The following GNPTAB variants were observed in gnomAD, a reference collection of about 807,000 sequenced individuals.
The protein encoded by GNPTAB is N-acetylglucosamine-1-phosphotransferase subunits alpha/beta.
GNPTAB carries 92 observed loss-of-function variants against 136.6 expected under a neutral mutation model. The ratio of observed to expected loss-of-function variants is 0.67; its 90% CI spans 0.57 to 0.80. The LOEUF is 0.80. GNPTAB is among the 30% of genes least tolerant of loss of function. The pLI is 0.00. For synonymous variants in GNPTAB, 512 were observed against 535.1 expected (o/e 0.96, Z 0.60); for missense variants, 1,343 against 1,501.8 (o/e 0.89, Z 1.75).
At chr12:101,802,895 A>C (rs1267341043) in intron 1 of GNPTAB, among the ~76,000 whole-genome samples, 1 of 152,158 alleles carries the variant, frequency 6.6e-6, no homozygotes. Flanking sequence ...TAAAATCCTT[A>C]ATCTCCAGTT....
intron 1 of GNPTAB, among the ~76,000 whole-genome samples, chr12:101,829,209 G>T (rs990298503): frequency 6.6e-6 from 1 of 152,214 alleles, no homozygotes; most frequent in Non-Finnish European, 1.5e-5. Flanking sequence ...TTCGGGCCAG[G>T]TGCGGTGGCT....
chr12:101,748,219 T>G (rs1330374778), intron 20 of GNPTAB, among the ~76,000 whole-genome samples: 1 of 152,246 alleles, frequency 6.6e-6, no homozygotes, highest in Admixed American at 6.5e-5. Flanking sequence ...CAGTCTCTGT[T>G]TCCTGAATTT....
intron 1 of GNPTAB, among the ~76,000 whole-genome samples, chr12:101,830,131 G>A (rs1310005716): frequency 6.6e-6 from 1 of 152,124 alleles, no homozygotes; most frequent in Non-Finnish European, 1.5e-5. Flanking sequence ...GGTAGCTCAT[G>A]CCTGTAACCC....
intron 1 of GNPTAB, among the ~76,000 whole-genome samples, chr12:101,815,288 C>CTTGGA (rs773543212): frequency 2.4e-4 from 37 of 152,156 alleles, no homozygotes; most frequent in Non-Finnish European, 3.7e-4. Flanking sequence ...GGTCTCCCAC[C>CTTGGA]TTGGCCTCCC....
At position 101,765,212 on chromosome 12, in the gene GNPTAB, C is replaced by A. The variant is rs1292614290; in HGVS notation, c.1705G>T (p.Ala569Ser). 1.2e-6 allele frequency: 2 copies of A among 1,614,014 alleles called. No individual in the cohort carries two copies. Among genetic ancestry groups the A allele is most frequent in the Admixed American group, 3.3e-5 (2 of 60,018 alleles). Reference sequence around the variant, plus strand: ...TCAACTCCTCTTTTGGCTACTTCTGCAAAGCTGAAATAAGGCAGGCATTCA... The same window carrying A: ...TCAACTCCTCTTTTGGCTACTTCTGAAAAGCTGAAATAAGGCAGGCATTCA... Reference protein sequence around the residue: ...KGECLPYFSFAEVAKRGVEGA... With the variant: ...KGECLPYFSFSEVAKRGVEGA... The change falls in exon 13 of 21, where the codon GCA becomes TCA. Residue 569 changes from alanine (A) to serine (S), a missense_variant. Coordinates refer to ENST00000299314, the MANE Select transcript of GNPTAB (RefSeq NM_024312.5).
intron 19 of GNPTAB, 26 bp from the exon 20 acceptor site, chr12:101,749,217 T>A: frequency 7.7e-7 from 1 of 1,301,328 alleles, no homozygotes; most frequent in South Asian, 1.2e-5. Context: ...AAAGCAACTA[T>A]GTACTTCTGT....
chr12:101,764,269 T>C lies in GNPTAB; in HGVS notation c.2648A>G (p.His883Arg). 1 of 1,614,136 alleles carries C rather than the reference T, an allele frequency of 6.2e-7. No individual in the cohort carries two copies. The highest frequency in any genetic ancestry group is 1.1e-5 in the South Asian group (1 of 91,072). ...AAAGCCCAAGTAACTATCTGTGTAATGCTGCAGCTTTCTTCCAAGTAACAC... is the reference window on the plus strand; with the variant it reads ...AAAGCCCAAGTAACTATCTGTGTAACGCTGCAGCTTTCTTCCAAGTAACAC... ...TEVLLGRKLQHYTDSYLGFLP... is the reference protein window; with the variant it reads ...TEVLLGRKLQRYTDSYLGFLP... Residue 883 changes from histidine to arginine, a missense_variant, in exon 13 of 21, where the codon CAT becomes CGT. Coordinates refer to ENST00000299314, the MANE Select transcript of GNPTAB (RefSeq NM_024312.5).
rs768942499 is a variant in GNPTAB at position 101,788,599 on chromosome 12, A to T, written c.324-10T>A. 1.4e-6 allele frequency: 2 copies of T among 1,464,744 alleles called. No individual in the cohort carries two copies. Among genetic ancestry groups the T allele is most frequent in the East Asian group, 4.5e-5 (2 of 44,174 alleles). The allele number at this position is 1,464,744 out of a possible 1,614,324, so 90.7% of individuals were successfully genotyped here. A position where few individuals can be genotyped will look rare whatever the true frequency, so the allele number is the denominator to read the frequency against. ...TTTCCCAAGGATTTCTCTAATAAAA[A>T]GCAAATACAGTTTATTACATACATA... On this transcript the variant is annotated splice_polypyrimidine_tract_variant and intron_variant, in intron 3 of 20. Transcript: ENST00000299314.
intron 1 of GNPTAB, among the ~76,000 whole-genome samples, chr12:101,802,333 C>T (rs1195852899): frequency 1.3e-5 from 2 of 152,118 alleles, no homozygotes; most frequent in African/African-American, 2.4e-5. Flanking sequence ...GGCTGAACTT[C>T]GTGCCATTGC....
chr12:101,820,894 T>G (rs769388866), intron 1 of GNPTAB, among the ~76,000 whole-genome samples: 9 of 151,842 alleles, frequency 5.9e-5, no homozygotes, highest in Admixed American at 2.0e-4. Context: ...CCATCTCTAT[T>G]AAAAATTTAA....
intron 1 of GNPTAB, among the ~76,000 whole-genome samples, chr12:101,823,341 GGCTTATGTCTGTAATCCCA>G (rs1252010653): frequency 6.6e-6 from 1 of 152,158 alleles, no homozygotes; most frequent in East Asian, 1.9e-4. Flanking sequence ...CAGGCGCAGT[GGCTTATGTCTGTAATCCCA>G]GCACTTTGGG....
intron 10 of GNPTAB, 63 bp downstream of exon 10, chr12:101,769,958 C>A (rs1953146017): frequency 6.9e-7 from 1 of 1,450,754 alleles, no homozygotes; most frequent in Admixed American, 1.7e-5. Context: ...AGTATGTGCA[C>A]TCATTTTCTG....
chr12:101,767,479 G>A (rs1477445924), intron 11 of GNPTAB, among the ~76,000 whole-genome samples: 1 of 152,120 alleles, frequency 6.6e-6, no homozygotes, highest in African/African-American at 2.4e-5. Flanking sequence ...TCTTGCTCTT[G>A]GATTTATATA....
At chr12:101,773,596 G>T (rs926202858) in intron 7 of GNPTAB, 1 of 154,382 alleles carries the variant, frequency 6.5e-6, no homozygotes, top group Non-Finnish European at 1.4e-5. Flanking sequence ...CCTAGGGTTG[G>T]TTTCTAATTA....
intron 1 of GNPTAB, among the ~76,000 whole-genome samples, chr12:101,800,450 C>A: frequency 6.6e-6 from 1 of 151,808 alleles, no homozygotes; most frequent in South Asian, 2.1e-4. Context: ...CTTTTGGGTC[C>A]GCAAACTTGT....
intron 4 of GNPTAB, among the ~76,000 whole-genome samples, chr12:101,788,151 T>C (rs1868774210): frequency 6.6e-6 from 1 of 152,200 alleles, no homozygotes; most frequent in South Asian, 2.1e-4. Flanking sequence ...AAACATAAAA[T>C]ATACAGCTTC....
chr12:101,757,755 C>T, intron 16 of GNPTAB, 98 bp from the exon 17 acceptor site: 1 of 745,280 alleles, frequency 1.3e-6, no homozygotes, highest in Non-Finnish European at 2.5e-6. Flanking sequence ...TGATTCTATG[C>T]TCTCTGGAGG....
chr12:101,763,656 T>C (rs1455780320), intron 13 of GNPTAB, among the ~76,000 whole-genome samples: 1 of 152,226 alleles, frequency 6.6e-6, no homozygotes, highest in Non-Finnish European at 1.5e-5. Flanking sequence ...AGTTTCCACA[T>C]GAGCAGTGGC....
intron 8 of GNPTAB, 141 bp downstream of exon 8, chr12:101,770,855 T>C (rs1761481871): frequency 7.0e-6 from 6 of 858,418 alleles, no homozygotes; most frequent in African/African-American, 5.0e-5. Flanking sequence ...ACCAAACCAA[T>C]GGCAGTGACT....
Sources: allele counts gnomAD v4.1 joint callset (sites outside exome capture counted in the v4.1 genomes callset), GRCh38; gene constraint gnomAD v4.1.1; transcripts MANE v1.5; gene names NCBI Gene and HGNC (gene_info 2026-07-23, HGNC 2026-07-21).